E2F1: variants seen among roughly 807,000 people sequenced by gnomAD.
The protein encoded by E2F1 is E2F transcription factor 1, also known as transcription factor E2F1.
A neutral mutation model predicts 36.9 loss-of-function variants in E2F1; 7 were observed. That is an observed-to-expected ratio of 0.19 (90% CI 0.11 to 0.36). E2F1 has a LOEUF of 0.36. E2F1 is among the 10% of genes least tolerant of loss of function. The pLI is 1.00. For synonymous variants in E2F1, 261 were observed against 263.1 expected (o/e 0.99, Z 0.08); for missense variants, 406 against 573.6 (o/e 0.71, Z 2.99).
At position 33,681,660 on chromosome 20, in the gene E2F1, A is replaced by G. The variant is rs1361409787; in HGVS notation, c.262-1244T>C. On this transcript the variant is annotated intron_variant, in intron 1 of 6. Transcript: ENST00000343380. Reference sequence around the variant, plus strand: ...TCACAGGCTGCTCAAAAGTACCCGGACCAAAACCAGACTGATCTTCCCCTC... The same window carrying G: ...TCACAGGCTGCTCAAAAGTACCCGGGCCAAAACCAGACTGATCTTCCCCTC... Among the ~76,000 whole-genome samples the G allele has an allele frequency of 2.6e-5, 4 of 152,048 alleles. No homozygotes were observed. The East Asian group carries it at 5.8e-4, about 22-fold the overall frequency.
At chr20:33,680,296 G>C in intron 2 of E2F1, 30 bp downstream of exon 2, 1 of 1,602,704 alleles carries the variant, frequency 6.2e-7, no homozygotes, top group African/African-American at 1.3e-5. Context: ...TGGTCACAGG[G>C]GGTCTGCCCA....
intron 3 of E2F1, among the ~76,000 whole-genome samples, chr20:33,678,852 C>T (rs927331667): frequency 1.3e-5 from 2 of 152,022 alleles, no homozygotes; most frequent in African/African-American, 4.8e-5. Context: ...GCTACAGGTA[C>T]GGAGCTTGAG....
At position 33,677,462 on chromosome 20, in the gene E2F1, A is replaced by C; in HGVS notation, c.804T>G (p.Pro268=). The part of the protein sequence containing the change: ...AEQMVMVIKA[P]PETQLQAVDS... The stretch of plus-strand genomic sequence containing the variant: ...CCACGGCTTGGAGCTGGGTCTCAGG[A>C]GGGGCTTTGATCACCATAACCATCT... Residue 268 remains proline, a synonymous_variant, in exon 5 of 7, where the codon CCT becomes CCG. Transcript: ENST00000343380. The C allele has an allele frequency of 6.2e-7, 1 of 1,614,064 alleles. No homozygotes were observed. Among genetic ancestry groups the C allele is most frequent in the Non-Finnish European group, 8.5e-7 (1 of 1,179,988 alleles).
chr20:33,685,630 G>A (rs1048832422), intron 1 of E2F1, among the ~76,000 whole-genome samples: 1 of 152,166 alleles, frequency 6.6e-6, no homozygotes, highest in African/African-American at 2.4e-5. Context: ...TCCGTCAGAT[G>A]GGCACAGTGA....
In E2F1 at chr20:33,677,272, T is replaced by C; in HGVS notation, c.899A>G (p.Glu300Gly). Residue 300 changes from glutamate to glycine, a missense_variant, in exon 6 of 7, where the codon GAG (glutamate) becomes GGG (glycine). Physicochemically the swap from Glu to Gly is moderately conservative, Grantham distance 98. Around this residue, in one of 5 missense-constraint regions of E2F1, gnomAD observed 93 missense variants for 143.3 expected, o/e 0.65. Coordinates refer to ENST00000343380, the MANE Select transcript of E2F1 (RefSeq NM_005225.3). Reference protein sequence around the residue: ...QGPIDVFLCPEETVGGISPGK... With the variant: ...QGPIDVFLCPGETVGGISPGK... ...AGGGCTGATCCCACCTACGGTCTCCTCAGGGCACAGGAAAACATCGATCGG... is the reference window on the plus strand; with the variant it reads ...AGGGCTGATCCCACCTACGGTCTCCCCAGGGCACAGGAAAACATCGATCGG... 6.2e-7 allele frequency: 1 copy of C among 1,614,066 alleles called. No individual in the cohort carries two copies. Among genetic ancestry groups the C allele is most frequent in the Non-Finnish European group, 8.5e-7 (1 of 1,180,006 alleles).
At position 33,676,668 on chromosome 20, in the gene E2F1, G is replaced by A; in HGVS notation, c.*64C>T. The stretch of plus-strand genomic sequence containing the variant: ...CAGGCTGGGAGGACGGCCAGGGACA[G>A]GGGGCTCCAGGGCTGCAGAGACAAG... On this transcript the variant is annotated 3_prime_UTR_variant, in exon 7 of 7. Coordinates refer to ENST00000343380, the MANE Select transcript of E2F1 (RefSeq NM_005225.3). The A allele has an allele frequency of 6.6e-7, 1 of 1,520,310 alleles. No individual in the cohort carries two copies. Among genetic ancestry groups the A allele is most frequent in the South Asian group, 1.3e-5 (1 of 76,668 alleles). The allele number at this position is 1,520,310 out of a possible 1,614,324, so 94.2% of individuals were successfully genotyped here.
Position 33,679,309 on chromosome 20 carries a change from T to G in E2F1, c.572+446A>C, listed in dbSNP as rs1359720112. Among the ~76,000 whole-genome samples, 3 of 152,232 alleles carry G rather than the reference T, an allele frequency of 2.0e-5. No individual in the cohort carries two copies. The highest frequency in any genetic ancestry group is 2.4e-5 in the African/African-American group (1 of 41,466). On this transcript the variant is annotated intron_variant, in intron 3 of 6. Coordinates refer to ENST00000343380, the MANE Select transcript of E2F1 (RefSeq NM_005225.3). This position sits in a 1 kb window ranked among gnomAD's most constrained non-coding sequence, Gnocchi z 4.6. The stretch of plus-strand genomic sequence containing the variant: ...CTGTAATCCCAGCACTTTGGGAGGC[T>G]GAGGCAGGCAGATCACCTGAGATCA...
At chr20:33,684,725 A>G (rs1156728926) in intron 1 of E2F1, among the ~76,000 whole-genome samples, 1 of 152,176 alleles carries the variant, frequency 6.6e-6, no homozygotes, top group African/African-American at 2.4e-5. Context: ...CATTGTGGTG[A>G]TTCCGGAAGG....
intron 1 of E2F1, among the ~76,000 whole-genome samples, chr20:33,685,009 A>T (rs2018052722): frequency 6.6e-6 from 1 of 152,144 alleles, no homozygotes; most frequent in African/African-American, 2.4e-5. Context: ...TCCCAGCTCC[A>T]GGCTTCTACG....
In E2F1 at chr20:33,686,037, GGGTGTGGGCCGGGGCGCCTGC is replaced by G. The variant is rs1373661694; in HGVS notation, c.207_227del (p.Gln70_Pro76del). 1.2e-5 allele frequency: 14 copies of G among 1,135,580 alleles called. No homozygotes were observed. The highest frequency in any genetic ancestry group is 4.6e-5 in the East Asian group (1 of 21,858). The allele number at this position is 1,135,580 out of a possible 1,614,324, so 70.3% of individuals were successfully genotyped here. A position where few individuals can be genotyped will look rare whatever the true frequency, so the allele number is the denominator to read the frequency against. ...GGCCGAGCGCGGGCCGCGGCGCACT[GGGTGTGGGCCGGGGCGCCTGC>G]GGTGTGGCGAAGAGCAGCAGGTCAG... On this transcript the variant is annotated inframe_deletion, in exon 1 of 7. Transcript: ENST00000343380.
At chr20:33,685,717 G>C (rs2018061277) in intron 1 of E2F1, among the ~76,000 whole-genome samples, 1 of 152,336 alleles carries the variant, frequency 6.6e-6, no homozygotes, top group South Asian at 2.1e-4. Context: ...GTAAACGCCA[G>C]TTGAATACAC....
chr20:33,676,639 C>G lies in E2F1; in HGVS notation c.*93G>C. 6.7e-7 allele frequency: 1 copy of G among 1,485,602 alleles called. No individual in the cohort carries two copies. Among genetic ancestry groups the G allele is most frequent in the Admixed American group, 2.4e-5 (1 of 41,672 alleles). The allele number at this position is 1,485,602 out of a possible 1,614,324, so 92.0% of individuals were successfully genotyped here. On this transcript the variant is annotated 3_prime_UTR_variant, in exon 7 of 7. Coordinates refer to ENST00000343380, the MANE Select transcript of E2F1 (RefSeq NM_005225.3). ...GAGAGGGGTATAAATTAAATGTTTC[C>G]AAACAGGCTGGGAGGACGGCCAGGG...
At position 33,676,649 on chromosome 20, in the gene E2F1, G is replaced by A; in HGVS notation, c.*83C>T. ...TAAATTAAATGTTTCCAAACAGGCT[G>A]GGAGGACGGCCAGGGACAGGGGGCT... On this transcript the variant is annotated 3_prime_UTR_variant, in exon 7 of 7. Coordinates refer to ENST00000343380, the MANE Select transcript of E2F1 (RefSeq NM_005225.3). 3 of 1,501,220 alleles carry A rather than the reference G, an allele frequency of 2.0e-6. No individual in the cohort carries two copies. Among genetic ancestry groups the A allele is most frequent in the Non-Finnish European group, 2.7e-6 (3 of 1,123,580 alleles). 93.0% of individuals were successfully genotyped at this position (1,501,220 alleles called of 1,614,324 possible). A position where few individuals can be genotyped will look rare whatever the true frequency, so the allele number is the denominator to read the frequency against.
chr20:33,683,707 G>A (rs2018038391), intron 1 of E2F1, among the ~76,000 whole-genome samples: 1 of 152,062 alleles, frequency 6.6e-6, no homozygotes, highest in African/African-American at 2.4e-5. Flanking sequence ...GGGAGGCAGA[G>A]GTTGCAGTGA....
Position 33,676,708 on chromosome 20 carries a change from A to G in E2F1, c.*24T>C. On this transcript the variant is annotated 3_prime_UTR_variant, in exon 7 of 7. Transcript: ENST00000343380. Reference sequence around the variant, plus strand: ...GCAGAGACAAGGTGAGCATCTCTGGAAACCCTGGTCCCTCCAAGCCCTGTC... The same window carrying G: ...GCAGAGACAAGGTGAGCATCTCTGGGAACCCTGGTCCCTCCAAGCCCTGTC... The G allele has an allele frequency of 6.3e-7, 1 of 1,579,584 alleles. No homozygotes were observed. The highest frequency in any genetic ancestry group is 8.6e-7 in the Non-Finnish European group (1 of 1,161,578).
At position 33,680,321 on chromosome 20, in the gene E2F1, G is replaced by T. The variant is rs775323648; in HGVS notation, c.352+5C>A. 6.2e-7 allele frequency: 1 copy of T among 1,614,052 alleles called. No homozygotes were observed. On this transcript the variant is annotated splice_donor_5th_base_variant and intron_variant, in intron 2 of 6. Coordinates refer to ENST00000343380, the MANE Select transcript of E2F1 (RefSeq NM_005225.3). ...GGGTCTGCCCAGCCCAAGCTCCATA[G>T]GTACCTTTTCCTGGATGGCGGCCTC...
In E2F1 at chr20:33,676,471, T is replaced by G; in HGVS notation, c.*261A>C. 2.1e-6 allele frequency: 1 copy of G among 468,198 alleles called. No individual in the cohort carries two copies. Among genetic ancestry groups the G allele is most frequent in the Non-Finnish European group, 3.8e-6 (1 of 264,626 alleles). 29.0% of individuals were successfully genotyped at this position (468,198 alleles called of 1,614,324 possible). A position where few individuals can be genotyped will look rare whatever the true frequency, so the allele number is the denominator to read the frequency against. On this transcript the variant is annotated 3_prime_UTR_variant, in exon 7 of 7. Coordinates refer to ENST00000343380, the MANE Select transcript of E2F1 (RefSeq NM_005225.3). ...ATTCCCCGGTACATGCACACACACATGCTCACACACATTCACCCCCGGTAC... is the reference window on the plus strand; with the variant it reads ...ATTCCCCGGTACATGCACACACACAGGCTCACACACATTCACCCCCGGTAC...
At position 33,680,434 on chromosome 20, in the gene E2F1, G is replaced by T; in HGVS notation, c.262-18C>A. 1 of 1,611,380 alleles carries T rather than the reference G, an allele frequency of 6.2e-7. No homozygotes were observed. Among genetic ancestry groups the T allele is most frequent in the Non-Finnish European group, 8.5e-7 (1 of 1,178,434 alleles). The stretch of plus-strand genomic sequence containing the variant: ...CGCTTCACCTGTGGCGAAAACGGGA[G>T]GATGCCCAGTAACCAGGAGTGAGGC... On this transcript the variant is annotated intron_variant, in intron 1 of 6. Coordinates refer to ENST00000343380, the MANE Select transcript of E2F1 (RefSeq NM_005225.3).
intron 1 of E2F1, among the ~76,000 whole-genome samples, chr20:33,681,677 C>G (rs544622013): frequency 6.6e-6 from 1 of 152,158 alleles, no homozygotes; most frequent in Non-Finnish European, 1.5e-5. Flanking sequence ...CCAGACTGAT[C>G]TTCCCCTCCA....
Sources: allele counts gnomAD v4.1 joint callset (sites outside exome capture counted in the v4.1 genomes callset), GRCh38; gene constraint gnomAD v4.1.1; regional missense constraint gnomAD v4.1.1; non-coding constraint Gnocchi (gnomAD v3.1); transcripts MANE v1.5; gene names NCBI Gene and HGNC (gene_info 2026-07-23, HGNC 2026-07-21).